The following GSG1L variants were observed in gnomAD, a reference collection of about 807,000 sequenced individuals.
GSG1L encodes the protein germ cell-specific gene 1-like protein.
In GSG1L, 24 loss-of-function variants were observed where a neutral mutation model predicts 42.1. The ratio of observed to expected loss-of-function variants is 0.57; its 90% CI spans 0.41 to 0.80. The LOEUF is 0.80. Ranked by LOEUF, GSG1L falls within the 30% of genes least tolerant of loss-of-function variation. GSG1L has a pLI of 0.00. For synonymous variants in GSG1L, 215 were observed against 203.5 expected, an observed-to-expected ratio of 1.06 and a Z score of -0.48; for missense variants, 445 against 472.2, an observed-to-expected ratio of 0.94 and a Z score of 0.53.
chr16:27,909,439 T>C (rs1254185875), intron 2 of GSG1L, among the ~76,000 whole-genome samples: 1 of 147,476 alleles, frequency 6.8e-6, no homozygotes, highest in African/African-American at 2.5e-5. Flanking sequence ...ACTGCAGCGG[T>C]GTAGTGGTGT....
chr16:28,008,939 G>A (rs1325682950), intron 1 of GSG1L, among the ~76,000 whole-genome samples: 1 of 152,174 alleles, frequency 6.6e-6, no homozygotes, highest in East Asian at 1.9e-4. Flanking sequence ...CTCCAGAGTA[G>A]CTGGGATTAC....
chr16:27,866,125 G>A (rs929543719), intron 3 of GSG1L, among the ~76,000 whole-genome samples: 1 of 151,746 alleles, frequency 6.6e-6, no homozygotes, highest in African/African-American at 2.4e-5. Context: ...GTATATCTCT[G>A]TATGTCCTGT....
chr16:27,886,309 A>C (rs1246334518), intron 2 of GSG1L, among the ~76,000 whole-genome samples: 1 of 152,144 alleles, frequency 6.6e-6, no homozygotes, highest in African/African-American at 2.4e-5. Context: ...GCGTGGTGGC[A>C]TGCACCTGTA....
intron 1 of GSG1L, among the ~76,000 whole-genome samples, chr16:27,993,207 G>A (rs1240211997): frequency 1.3e-5 from 2 of 152,014 alleles, no homozygotes; most frequent in African/African-American, 4.8e-5. Context: ...GGAGTGCAGT[G>A]GTGCAATCTT....
At chr16:27,857,005 C>T (rs2140995877) in intron 3 of GSG1L, among the ~76,000 whole-genome samples, 1 of 152,256 alleles carries the variant, frequency 6.6e-6, no homozygotes, top group East Asian at 1.9e-4. Flanking sequence ...AGCCTGGCAA[C>T]AGATTGGTCT....
At chr16:27,822,169 A>G (rs2083157997) in intron 5 of GSG1L, among the ~76,000 whole-genome samples, 1 of 152,102 alleles carries the variant, frequency 6.6e-6, no homozygotes, top group Non-Finnish European at 1.5e-5. Context: ...TAAAGTCCTC[A>G]CAACAAAGCC....
intron 2 of GSG1L, among the ~76,000 whole-genome samples, chr16:27,896,810 T>TC (rs1385183735): frequency 1.3e-5 from 2 of 152,318 alleles, no homozygotes; most frequent in East Asian, 1.9e-4. Flanking sequence ...AGACAAGTTC[T>TC]CCCCTTGAAC....
At chr16:27,807,411 CTCT>C in intron 6 of GSG1L, 73 bp downstream of exon 6, 1 of 1,272,166 alleles carries the variant, frequency 7.9e-7, no homozygotes, top group Non-Finnish European at 1.1e-6. Context: ...GCTGGCCTGA[CTCT>C]TCTCCAGGGA....
intron 2 of GSG1L, among the ~76,000 whole-genome samples, chr16:27,915,019 G>C (rs1464573991): frequency 6.6e-6 from 1 of 152,080 alleles, no homozygotes; most frequent in East Asian, 1.9e-4. Context: ...GATTCCAAAT[G>C]GGTTTTGATG....
rs915457011 is a variant in GSG1L, at chr16:27,787,733, A to G, written c.*3637T>C. On this transcript the variant is annotated 3_prime_UTR_variant, in exon 7 of 7. Transcript: ENST00000447459. ...AAATTTTCCCCATGTGTCAACTACA[A>G]TCATCTCCTGGACCTCCTGCGGTCC... 5 of 152,176 alleles carry G rather than the reference A, an allele frequency of 3.3e-5. No individual in the cohort carries two copies. The highest frequency in any genetic ancestry group is 2.1e-4 in the South Asian group (1 of 4,828). 9.4% of individuals were successfully genotyped at this position (152,176 alleles called of 1,614,324 possible). A position where few individuals can be genotyped will look rare whatever the true frequency, so the allele number is the denominator to read the frequency against.
chr16:27,847,952 A>G (rs2083462658), intron 3 of GSG1L, among the ~76,000 whole-genome samples: 1 of 152,178 alleles, frequency 6.6e-6, no homozygotes, highest in South Asian at 2.1e-4. Flanking sequence ...GTAGTTCTTT[A>G]TAGCAATGTG....
intron 2 of GSG1L, among the ~76,000 whole-genome samples, chr16:27,890,918 T>C (rs111938815): frequency 2.6e-5 from 4 of 152,160 alleles, no homozygotes; most frequent in African/African-American, 9.7e-5. Context: ...GGCAGGGGGC[T>C]GTGGAAGTGC....
At chr16:27,892,462 T>TA (rs944832123) in intron 2 of GSG1L, among the ~76,000 whole-genome samples, 10 of 150,460 alleles carry the variant, frequency 6.6e-5, no homozygotes, top group African/African-American at 9.8e-5. Flanking sequence ...GTCTCAAAAA[T>TA]AAAAAAAATG....
intron 3 of GSG1L, among the ~76,000 whole-genome samples, chr16:27,850,954 C>G (rs1567486260): frequency 6.6e-6 from 1 of 151,732 alleles, no homozygotes; most frequent in African/African-American, 2.4e-5. Context: ...TGTTAAACGC[C>G]GGGAAGGCGT....
chr16:28,045,192 G>A (rs766374256), intron 1 of GSG1L, among the ~76,000 whole-genome samples: 3 of 152,180 alleles, frequency 2.0e-5, no homozygotes, highest in Non-Finnish European at 4.4e-5. Context: ...CGCTATGAGT[G>A]AACCCTAATG....
At chr16:27,921,777 T>C (rs530775048) in intron 2 of GSG1L, among the ~76,000 whole-genome samples, 37 of 152,320 alleles carry the variant, frequency 2.4e-4, no homozygotes, top group African/African-American at 8.7e-4. Flanking sequence ...TTTAGTGACC[T>C]GTCTTATGCG....
At chr16:27,793,745 C>T (rs575584655) in intron 6 of GSG1L, among the ~76,000 whole-genome samples, 1 of 152,310 alleles carries the variant, frequency 6.6e-6, no homozygotes, top group East Asian at 1.9e-4. Flanking sequence ...AGGACTGGGG[C>T]CCTCCTCCCT....
At chr16:28,016,164 AT>A (rs756186762) in intron 1 of GSG1L, among the ~76,000 whole-genome samples, 1 of 151,916 alleles carries the variant, frequency 6.6e-6, no homozygotes, top group Non-Finnish European at 1.5e-5. Context: ...TAATTTTTGT[AT>A]TTTTAGTAGA....
intron 2 of GSG1L, among the ~76,000 whole-genome samples, chr16:27,921,090 A>C (rs2084519125): frequency 6.6e-6 from 1 of 152,156 alleles, no homozygotes; most frequent in African/African-American, 2.4e-5. Context: ...GCCACTTTTC[A>C]AAGCAAAAAT....
Sources: allele counts gnomAD v4.1 joint callset (sites outside exome capture counted in the v4.1 genomes callset), GRCh38; gene constraint gnomAD v4.1.1; transcripts MANE v1.5; gene names NCBI Gene and HGNC (gene_info 2026-07-23, HGNC 2026-07-21).